CSMD2: variants seen among roughly 807,000 people sequenced by gnomAD.
CSMD2 encodes CUB and Sushi multiple domains 2.
A neutral mutation model predicts 398.5 loss-of-function variants in CSMD2; 130 were observed. The ratio of observed to expected loss-of-function variants is 0.33; its 90% CI spans 0.28 to 0.38. The LOEUF (loss-of-function observed/expected upper bound fraction) is 0.38. CSMD2 is among the 10% of genes least tolerant of loss of function. The probability of loss-of-function intolerance (pLI) is 1.00; values close to 1 mark genes in which losing one functional copy is unlikely to be tolerated. For synonymous variants in CSMD2, 1,828 were observed against 1,908.5 expected, an observed-to-expected ratio of 0.96 and a Z score of 1.10; for missense variants, 3,829 against 4,764.9, an observed-to-expected ratio of 0.80 and a Z score of 5.78.
At chr1:34,004,008 C>G (rs1464461013) in intron 3 of CSMD2, among the ~76,000 whole-genome samples, 1 of 152,180 alleles carries the variant, frequency 6.6e-6, no homozygotes, top group East Asian at 1.9e-4. Context: ...GCCCTCTAGC[C>G]CCAGGAGACC....
chr1:33,587,158 G>T lies in CSMD2; in HGVS notation c.6867C>A (p.Leu2289=), dbSNP rs571703956. Residue 2289 remains leucine (L), a synonymous_variant, in exon 45 of 71, where the codon CTC becomes CTA. Coordinates refer to ENST00000373381, the MANE Select transcript of CSMD2 (RefSeq NM_001281956.2). The part of the protein sequence containing the change: ...IFAIAFSAYP[L]TKCPPPTILP... ...GGATGGTGGGAGGAGGGCATTTGGT[G>T]AGTGGATAAGCTGAAAAGATAAAAG... 11 of 1,608,710 alleles carry T rather than the reference G, an allele frequency of 6.8e-6. No individual in the cohort carries two copies. The highest frequency in any genetic ancestry group is 9.3e-6 in the Non-Finnish European group (11 of 1,177,666).
intron 4 of CSMD2, among the ~76,000 whole-genome samples, chr1:33,929,318 C>T (rs1644234202): frequency 6.6e-6 from 1 of 151,964 alleles, no homozygotes. Context: ...CTTATTGTGG[C>T]TCTTGCTCAG....
At chr1:33,884,815 G>A (rs1038085207) in intron 5 of CSMD2, 1 of 152,028 alleles carries the variant, frequency 6.6e-6, no homozygotes, top group African/African-American at 2.4e-5. Flanking sequence ...TATCCTTCAG[G>A]TACTTTCCCA....
In CSMD2 at chr1:33,739,171, C is replaced by T. The variant is rs750288148; in HGVS notation, c.2337G>A (p.Val779=). ...TITCVLKEGS[V]VWNSAVLRCE... ...ACCGCAGCACAGCGCTGTTCCAGAC[C>T]ACGCTGCCCTCCTTCAGGACGCAGG... The change falls in exon 15 of 71, where the codon GTG becomes GTA. Residue 779 remains valine (V), a synonymous_variant. Coordinates refer to ENST00000373381, the MANE Select transcript of CSMD2 (RefSeq NM_001281956.2). The T allele has an allele frequency of 6.2e-7, 1 of 1,614,012 alleles. No homozygotes were observed. Among genetic ancestry groups the T allele is most frequent in the Non-Finnish European group, 8.5e-7 (1 of 1,179,956 alleles).
intron 10 of CSMD2, among the ~76,000 whole-genome samples, chr1:33,805,580 T>C (rs915604572): frequency 6.6e-6 from 1 of 152,144 alleles, no homozygotes; most frequent in Admixed American, 6.5e-5. Flanking sequence ...TGAATTCACA[T>C]GTTGAATCCC....
Position 33,700,591 on chromosome 1 carries a change from G to T in CSMD2, c.3659C>A (p.Thr1220Lys). 1.2e-6 allele frequency: 2 copies of T among 1,614,200 alleles called. No homozygotes were observed. The highest frequency in any genetic ancestry group is 1.7e-6 in the Non-Finnish European group (2 of 1,180,028). ...SEMMGVTLNS[T>K]SSSLWLDFIT... Reference sequence around the variant, plus strand: ...GAAATCAAGCCACAGACTGCTGGATGTGCTGTTCAAAGTCACCCCCATCAT... The same window carrying T: ...GAAATCAAGCCACAGACTGCTGGATTTGCTGTTCAAAGTCACCCCCATCAT... Residue 1220 changes from threonine to lysine, a missense_variant, in exon 23 of 71, where the codon ACA becomes AAA. Coordinates refer to ENST00000373381, the MANE Select transcript of CSMD2 (RefSeq NM_001281956.2).
At chr1:33,766,941 G>C (rs1650583312) in intron 13 of CSMD2, among the ~76,000 whole-genome samples, 1 of 152,200 alleles carries the variant, frequency 6.6e-6, no homozygotes, top group African/African-American at 2.4e-5. Flanking sequence ...GGGAAACCAT[G>C]CAACAGTATG....
chr1:33,635,000 G>A (rs533498560), intron 31 of CSMD2, among the ~76,000 whole-genome samples: 8 of 152,186 alleles, frequency 5.3e-5, no homozygotes, highest in South Asian at 2.1e-4. Context: ...TGGTTCTGGC[G>A]GGGCTCACTT....
chr1:33,575,938 T>C (rs1660029676), intron 49 of CSMD2, among the ~76,000 whole-genome samples: 2 of 152,182 alleles, frequency 1.3e-5, no homozygotes, highest in African/African-American at 2.4e-5. Flanking sequence ...CAAATAGCAA[T>C]GTGATTTCCT....
chr1:34,090,442 C>T (rs1043709673), intron 1 of CSMD2, among the ~76,000 whole-genome samples: 1 of 152,182 alleles, frequency 6.6e-6, no homozygotes, highest in African/African-American at 2.4e-5. Flanking sequence ...TGGTTACTCA[C>T]AACGTCATGA....
intron 1 of CSMD2, among the ~76,000 whole-genome samples, chr1:34,117,987 G>A (rs1661779537): frequency 6.6e-6 from 1 of 152,168 alleles, no homozygotes; most frequent in Non-Finnish European, 1.5e-5. Flanking sequence ...GCTGAGGCAG[G>A]TGGATCACCT....
At chr1:33,945,441 A>G (rs182124416) in intron 3 of CSMD2, among the ~76,000 whole-genome samples, 14 of 152,252 alleles carry the variant, frequency 9.2e-5, no homozygotes, top group Admixed American at 8.5e-4. Context: ...AGTTGGGGCC[A>G]TTTCTCTGGG....
At chr1:33,530,520 T>G (rs920975512) in intron 64 of CSMD2, among the ~76,000 whole-genome samples, 1 of 152,212 alleles carries the variant, frequency 6.6e-6, no homozygotes, top group African/African-American at 2.4e-5. Context: ...GTAACCATTA[T>G]GGAAAACGTA....
At position 34,163,121 on chromosome 1, in the gene CSMD2, T is replaced by A. The variant is rs1469268372; in HGVS notation, c.187+1790A>T. Among the ~76,000 whole-genome samples, 2 of 152,184 alleles carry A rather than the reference T, an allele frequency of 1.3e-5. No individual in the cohort carries two copies. Among genetic ancestry groups the A allele is most frequent in the Admixed American group, 6.5e-5 (1 of 15,290 alleles). ...GATATGCCCAAGGGGCAGGGACAAA[T>A]CTAGCCAGAAAAACAATTCAGTCCG... is the stretch of plus-strand genomic sequence containing the variant. On this transcript the variant is annotated intron_variant, in intron 1 of 70. Coordinates refer to ENST00000373381, the MANE Select transcript of CSMD2 (RefSeq NM_001281956.2). This position sits in a 1 kb window ranked among gnomAD's most constrained non-coding sequence, Gnocchi z 5.4.
At chr1:33,727,505 C>T (rs895614581) in intron 15 of CSMD2, among the ~76,000 whole-genome samples, 4 of 152,316 alleles carry the variant, frequency 2.6e-5, no homozygotes, top group Admixed American at 2.6e-4. Context: ...TTGGATTTCA[C>T]TGCCCACCCC....
At chr1:33,694,934 G>C (rs1301947226) in intron 24 of CSMD2, among the ~76,000 whole-genome samples, 2 of 152,134 alleles carry the variant, frequency 1.3e-5, no homozygotes, top group Non-Finnish European at 2.9e-5. Context: ...CCCTCCCCTG[G>C]AAGAGTTTAC....
intron 1 of CSMD2, among the ~76,000 whole-genome samples, chr1:34,135,242 T>TCACACACACACA (rs66898227): frequency 1.1e-3 from 148 of 135,588 alleles, no homozygotes; most frequent in Middle Eastern, 3.8e-3. Flanking sequence ...CATGTTGAAA[T>TCACACACACACA]CACACACACA....
intron 2 of CSMD2, among the ~76,000 whole-genome samples, chr1:34,058,185 C>A (rs12043454): frequency 6.6e-6 from 1 of 151,894 alleles, no homozygotes; most frequent in South Asian, 2.1e-4. Flanking sequence ...GGGTAGAGCA[C>A]GGGTGCACTT....
At chr1:33,940,643 C>T (rs866056017) in intron 3 of CSMD2, among the ~76,000 whole-genome samples, 3 of 152,128 alleles carry the variant, frequency 2.0e-5, no homozygotes, top group Non-Finnish European at 4.4e-5. Context: ...TTGAGGACCT[C>T]GGTCTTTCTG....
Sources: allele counts gnomAD v4.1 joint callset (sites outside exome capture counted in the v4.1 genomes callset), GRCh38; gene constraint gnomAD v4.1.1; non-coding constraint Gnocchi (gnomAD v3.1); transcripts MANE v1.5; gene names NCBI Gene and HGNC (gene_info 2026-07-23, HGNC 2026-07-21).